The following SMARCA2 variants were observed in gnomAD, a reference collection of about 807,000 sequenced individuals.
SMARCA2 encodes the protein SWI/SNF-related matrix-associated actin-dependent regulator of chromatin subfamily A member 2.
Under a neutral mutation model 199.8 loss-of-function variants are expected in SMARCA2, and 61 were observed. That is an observed-to-expected ratio of 0.31 (90% CI 0.25 to 0.38). The LOEUF (loss-of-function observed/expected upper bound fraction) is 0.38, where lower values mean the gene tolerates loss of function less well. SMARCA2 is among the 10% of genes least tolerant of loss of function. SMARCA2 has a pLI of 1.00. For synonymous variants in SMARCA2, 935 were observed against 732.0 expected (o/e 1.28, Z -4.48); for missense variants, 1,344 against 2,012.2 (o/e 0.67, Z 6.35).
chr9:2,167,158 G>C (rs1473169328), intron 28 of SMARCA2, among the ~76,000 whole-genome samples: 1 of 152,200 alleles, frequency 6.6e-6, no homozygotes, highest in Non-Finnish European at 1.5e-5. Flanking sequence ...GTTATTAGCA[G>C]AAGCAATCTA....
intron 5 of SMARCA2, among the ~76,000 whole-genome samples, chr9:2,053,815 G>C (rs1266114097): frequency 1.3e-5 from 2 of 152,182 alleles, no homozygotes; most frequent in Non-Finnish European, 2.9e-5. Flanking sequence ...AGTATCCCAA[G>C]TGAATGGCTA....
At chr9:2,082,350 T>TGTGTGA (rs370220959) in intron 15 of SMARCA2, among the ~76,000 whole-genome samples, 3,558 of 140,626 alleles carry the variant, frequency 0.025, 148 homozygotes, top group African/African-American at 0.083. Context: ...TGTGTGTGTG[T>TGTGTGA]GATTTCTTTG....
chr9:2,116,007 G>A lies in SMARCA2; in HGVS notation c.3642G>A (p.Arg1214=), dbSNP rs1823201726. ...AAAAGTCTTCAAGCCACGAGCGGAG[G>A]GCATTCCTGCAGGCCATCTTGGAGC... ...FDQKSSSHER[R]AFLQAILEHE... is the part of the protein sequence containing the mutation. The change falls in exon 25 of 34, where the codon AGG becomes AGA. Residue 1214 remains arginine (R), a synonymous_variant. Coordinates refer to ENST00000349721, the MANE Select transcript of SMARCA2 (RefSeq NM_003070.5). 6.2e-7 allele frequency: 1 copy of A among 1,614,116 alleles called. No homozygotes were observed. Among genetic ancestry groups the A allele is most frequent in the African/African-American group, 1.3e-5 (1 of 75,026 alleles).
chr9:2,138,505 G>A (rs1032784162), intron 27 of SMARCA2, among the ~76,000 whole-genome samples: 4 of 152,116 alleles, frequency 2.6e-5, no homozygotes, highest in Non-Finnish European at 5.9e-5. Flanking sequence ...GACCTTTGTA[G>A]AACCTTTTTC....
In SMARCA2 at chr9:2,147,842, C is replaced by T. The variant is rs149795455; in HGVS notation, c.3982-13844C>T. Among the ~76,000 whole-genome samples the T allele has an allele frequency of 2.6e-3, 388 of 150,450 alleles. 11 individuals carry two copies. In the East Asian group the frequency reaches 0.061, roughly 24 times the overall value. On this transcript the variant is annotated intron_variant, in intron 27 of 33. Coordinates refer to ENST00000349721, the MANE Select transcript of SMARCA2 (RefSeq NM_003070.5). ...CAGCCTGGGTGACAGAGCCAGACTC[C>T]GTCTCAAAAAAAAAAAGTAGGGCCT...
chr9:2,191,247 T>A lies in SMARCA2; in HGVS notation c.4595-19T>A. 6.2e-7 allele frequency: 1 copy of A among 1,612,860 alleles called. No homozygotes were observed. Among genetic ancestry groups the A allele is most frequent in the African/African-American group, 1.3e-5 (1 of 74,960 alleles). On this transcript the variant is annotated intron_variant, in intron 32 of 33. Coordinates refer to ENST00000349721, the MANE Select transcript of SMARCA2 (RefSeq NM_003070.5). ...TTGTGATTACTCACTGGTGTCTATTTCATTTGCTTTGGTTTTAGCAAAATC... is the reference window on the plus strand; with the variant it reads ...TTGTGATTACTCACTGGTGTCTATTACATTTGCTTTGGTTTTAGCAAAATC...
At position 2,170,339 on chromosome 9, in the gene SMARCA2, AC is replaced by A. The variant is rs933580032; in HGVS notation, c.4200-77del. 76 of 1,587,268 alleles carry A rather than the reference AC, an allele frequency of 4.8e-5. No individual in the cohort carries two copies. Among genetic ancestry groups the A allele is most frequent in the South Asian group, 4.5e-5 (4 of 88,170 alleles). The stretch of plus-strand genomic sequence containing the variant: ...GAGGAGACTGAGGCTTGGCCAGGTC[AC>A]CCAGCCTAGGAAGAAGGAGCCGGGC... On this transcript the variant is annotated intron_variant, in intron 28 of 33. Coordinates refer to ENST00000349721, the MANE Select transcript of SMARCA2 (RefSeq NM_003070.5). This position sits in a 1 kb window ranked among gnomAD's most constrained non-coding sequence, Gnocchi z 4.7.
Position 2,104,227 on chromosome 9 carries a change from G to C in SMARCA2, c.3292+58G>C. The C allele has an allele frequency of 6.8e-7, 1 of 1,460,064 alleles. No homozygotes were observed. Among genetic ancestry groups the C allele is most frequent in the Admixed American group, 1.8e-5 (1 of 54,898 alleles). 90.4% of individuals were successfully genotyped at this position (1,460,064 alleles called of 1,614,324 possible). A position where few individuals can be genotyped will look rare whatever the true frequency, so the allele number is the denominator to read the frequency against. Reference sequence around the variant, plus strand: ...TACTACTGAAAATGAAGGGATAATGGGCACTTAGGTCCAATCTCAGCCAAA... The same window carrying C: ...TACTACTGAAAATGAAGGGATAATGCGCACTTAGGTCCAATCTCAGCCAAA... On this transcript the variant is annotated intron_variant, in intron 23 of 33. Coordinates refer to ENST00000349721, the MANE Select transcript of SMARCA2 (RefSeq NM_003070.5). The surrounding 1 kb of genome is among the most constrained non-coding windows in gnomAD (Gnocchi z 4.0).
In SMARCA2 at chr9:2,115,791, A is replaced by G; in HGVS notation, c.3457-31A>G. ...TTTGGATGCCTATGCCAGGCATCTC[A>G]GTCCTCATAGCATATTGACCCCCCA... is the stretch of plus-strand genomic sequence containing the variant. On this transcript the variant is annotated intron_variant, in intron 24 of 33. Transcript: ENST00000349721. The surrounding 1 kb of genome is among the most constrained non-coding windows in gnomAD (Gnocchi z 6.0). 1 of 1,584,264 alleles carries G rather than the reference A, an allele frequency of 6.3e-7. No homozygotes were observed. The highest frequency in any genetic ancestry group is 8.7e-7 in the Non-Finnish European group (1 of 1,154,996).
chr9:2,170,415 G>T lies in SMARCA2; in HGVS notation c.4200-4G>T, dbSNP rs190182277. The T allele has an allele frequency of 1.2e-6, 2 of 1,613,952 alleles. No homozygotes were observed. The highest frequency in any genetic ancestry group is 1.3e-5 in the African/African-American group (1 of 74,928). On this transcript the variant is annotated splice_polypyrimidine_tract_variant and splice_region_variant and intron_variant, in intron 28 of 33. Transcript: ENST00000349721. The surrounding 1 kb of genome is among the most constrained non-coding windows in gnomAD (Gnocchi z 4.7). ...ACTCTAGTGTTCTTTCTACTCTACC[G>T]CAGGTGTAACGTGGAGAAGGTGCCC... is the stretch of plus-strand genomic sequence containing the variant.
At chr9:2,071,500 T>G (rs1821086259) in intron 10 of SMARCA2, among the ~76,000 whole-genome samples, 1 of 152,236 alleles carries the variant, frequency 6.6e-6, no homozygotes, top group East Asian at 1.9e-4. Flanking sequence ...CAGGGAGAGA[T>G]TTAACATGTT....
chr9:2,112,669 T>C (rs1353706967), intron 24 of SMARCA2, among the ~76,000 whole-genome samples: 4 of 152,198 alleles, frequency 2.6e-5, no homozygotes, highest in African/African-American at 9.6e-5. Flanking sequence ...CCTCTGCAAG[T>C]ATTTCTAGCT....
chr9:2,191,476 C>T lies in SMARCA2; in HGVS notation c.4737+68C>T, dbSNP rs778409591. The T allele has an allele frequency of 3.9e-6, 6 of 1,553,466 alleles. No individual in the cohort carries two copies. The South Asian group carries it at 6.9e-5, about 18-fold the overall frequency. ...CCCTGCTTGCTGGCCTCTTGCATTTCCATGCCCCTTCAGCCTTTTCGCTTT... is the reference window on the plus strand; with the variant it reads ...CCCTGCTTGCTGGCCTCTTGCATTTTCATGCCCCTTCAGCCTTTTCGCTTT... On this transcript the variant is annotated intron_variant, in intron 33 of 33. Coordinates refer to ENST00000349721, the MANE Select transcript of SMARCA2 (RefSeq NM_003070.5).
At chr9:2,052,713 T>A (rs894588590) in intron 5 of SMARCA2, among the ~76,000 whole-genome samples, 3 of 152,102 alleles carry the variant, frequency 2.0e-5, no homozygotes, top group Admixed American at 2.0e-4. Flanking sequence ...CAACTGTAGG[T>A]TTTTTAAAAA....
chr9:2,117,084 G>A (rs1310104664), intron 25 of SMARCA2, among the ~76,000 whole-genome samples: 1 of 152,096 alleles, frequency 6.6e-6, no homozygotes, highest in Non-Finnish European at 1.5e-5. Context: ...TCAGGACATG[G>A]CCCCATCTTA....
chr9:2,042,369 G>A lies in SMARCA2; in HGVS notation c.790+2469G>A, dbSNP rs1473225166. The A allele has an allele frequency of 2.0e-5, 3 of 152,314 alleles. No individual in the cohort carries two copies. The East Asian group carries it at 5.8e-4, about 29-fold the overall frequency. The allele number at this position is 152,314 out of a possible 1,614,324, so 9.4% of individuals were successfully genotyped here. A position where few individuals can be genotyped will look rare whatever the true frequency, so the allele number is the denominator to read the frequency against. On this transcript the variant is annotated intron_variant, in intron 4 of 33. Coordinates refer to ENST00000349721, the MANE Select transcript of SMARCA2 (RefSeq NM_003070.5). ...TATGATCTGCTATACCTCACAGTTG[G>A]TCCTGGGATATCATCTTGTCACAGA...
intron 3 of SMARCA2, among the ~76,000 whole-genome samples, chr9:2,038,394 C>T (rs1234331619): frequency 6.6e-6 from 1 of 152,134 alleles, no homozygotes; most frequent in Non-Finnish European, 1.5e-5. Flanking sequence ...AGCCTGATTT[C>T]CTGTGCCCAG....
intron 27 of SMARCA2, among the ~76,000 whole-genome samples, chr9:2,147,793 A>T (rs1824841533): frequency 6.6e-6 from 1 of 151,340 alleles, no homozygotes; most frequent in African/African-American, 2.4e-5. Flanking sequence ...GGTTGCAGTG[A>T]GCTGAGTTCG....
intron 31 of SMARCA2, 133 bp downstream of exon 31, chr9:2,182,375 C>G: frequency 1.7e-6 from 1 of 601,984 alleles, no homozygotes. Context: ...AGCCTATGTT[C>G]CTTGCTACCT....
Sources: gnomAD v4.1 joint callset for allele counts (sites outside exome capture counted in the v4.1 genomes callset) on GRCh38, gnomAD v4.1.1 for gene constraint, Gnocchi (gnomAD v3.1) non-coding constraint, MANE v1.5 for transcripts, NCBI Gene and HGNC (gene_info 2026-07-23, HGNC 2026-07-21) for gene names.